The following DSC3 variants were observed in gnomAD, a reference collection of about 807,000 sequenced individuals.
The protein encoded by DSC3 is desmocollin-3.
A neutral mutation model predicts 89.5 loss-of-function variants in DSC3; 97 were observed. The observed-to-expected ratio is 1.08, with a 90% confidence interval of 0.92 to 1.28. DSC3 has a LOEUF of 1.28. Among genes scored for constraint, DSC3 ranks in the 50% most tolerant of loss-of-function variants. The pLI is 0.00. For synonymous variants in DSC3, 436 were observed against 384.1 expected (o/e 1.14, Z -1.58); for missense variants, 1,199 against 1,085.3 (o/e 1.10, Z -1.47).
At chr18:31,039,504 T>A (rs544475396) in intron 1 of DSC3, among the ~76,000 whole-genome samples, 2 of 152,324 alleles carry the variant, frequency 1.3e-5, no homozygotes, top group East Asian at 3.9e-4. Flanking sequence ...ATAAGTCTTC[T>A]GCAGAATGGA....
chr18:31,025,618 A>T, intron 5 of DSC3, 142 bp downstream of exon 5: 2 of 898,748 alleles, frequency 2.2e-6, no homozygotes, highest in Non-Finnish European at 1.8e-6. Context: ...GTATTCCAAA[A>T]TGTTGCACAT....
chr18:31,002,004 G>A (rs565876220), intron 13 of DSC3, among the ~76,000 whole-genome samples: 92 of 152,032 alleles, frequency 6.1e-4, no homozygotes, highest in Admixed American at 1.6e-3. Flanking sequence ...TATGAGTTAA[G>A]CAGTACATAA....
intron 15 of DSC3, 113 bp downstream of exon 15, chr18:30,996,678 C>A (rs1984476557): frequency 5.6e-6 from 7 of 1,260,618 alleles, no homozygotes; most frequent in East Asian, 2.4e-5. Context: ...ATGAACAGAG[C>A]AAGCAAGAGA....
In DSC3 at chr18:30,996,959, C is replaced by A. The variant is rs892239590; in HGVS notation, c.2325G>T (p.Gly775=). The part of the protein sequence containing the change: ...GTMGSGMKNG[G]QETIEMMKGG... ...CTTTCATCATTTCAATGGTTTCCTG[C>A]CCTCCATTTTTCATTCCTGATCCCA... The change falls in exon 15 of 16, where the codon GGG becomes GGT. Residue 775 remains glycine (G), a synonymous_variant. Coordinates refer to ENST00000360428, the MANE Select transcript of DSC3 (RefSeq NM_001941.5). 16 of 1,613,968 alleles carry A rather than the reference C, an allele frequency of 9.9e-6. No homozygotes were observed. The highest frequency in any genetic ancestry group is 1.7e-5 in the Admixed American group (1 of 59,978).
chr18:31,010,879 T>C (rs950030487), intron 9 of DSC3, among the ~76,000 whole-genome samples: 2 of 152,248 alleles, frequency 1.3e-5, no homozygotes, highest in Non-Finnish European at 2.9e-5. Flanking sequence ...AGAAAAGTTA[T>C]CTATTTTGGA....
At chr18:31,016,536 C>A (rs572234738) in intron 9 of DSC3, among the ~76,000 whole-genome samples, 3 of 152,278 alleles carry the variant, frequency 2.0e-5, no homozygotes, top group South Asian at 4.1e-4. Flanking sequence ...TATACGGTAG[C>A]CCTTTTCAGA....
chr18:31,035,700 C>A (rs929902753), intron 1 of DSC3, among the ~76,000 whole-genome samples: 5 of 151,660 alleles, frequency 3.3e-5, no homozygotes, highest in African/African-American at 1.2e-4. Flanking sequence ...TGCTCAGTGC[C>A]CATCTAGATC....
At chr18:31,040,911 A>G (rs1026480492) in intron 1 of DSC3, among the ~76,000 whole-genome samples, 1 of 152,194 alleles carries the variant, frequency 6.6e-6, no homozygotes, top group East Asian at 1.9e-4. Flanking sequence ...TTGTAAACTG[A>G]CAATTGCAGA....
At chr18:31,036,461 T>A (rs1985971258) in intron 1 of DSC3, among the ~76,000 whole-genome samples, 1 of 152,198 alleles carries the variant, frequency 6.6e-6, no homozygotes, top group Admixed American at 6.5e-5. Context: ...AATCTTCTGA[T>A]AAACAGAGTG....
intron 5 of DSC3, among the ~76,000 whole-genome samples, chr18:31,025,182 C>A (rs1048703556): frequency 2.6e-5 from 4 of 152,154 alleles, no homozygotes; most frequent in Non-Finnish European, 4.4e-5. Flanking sequence ...GGGAATGACA[C>A]ATGACCTCAC....
intron 9 of DSC3, among the ~76,000 whole-genome samples, chr18:31,014,042 C>T (rs1309698827): frequency 6.6e-6 from 1 of 151,910 alleles, no homozygotes; most frequent in Non-Finnish European, 1.5e-5. Context: ...GGATATTTTA[C>T]TGTAATGTCT....
intron 7 of DSC3, among the ~76,000 whole-genome samples, chr18:31,021,673 C>A (rs1368798868): frequency 1.3e-5 from 2 of 151,896 alleles, no homozygotes; most frequent in African/African-American, 2.4e-5. Context: ...TGATTGCTGA[C>A]AAAATAGAAC....
In DSC3 at chr18:31,018,722, A is replaced by C; in HGVS notation, c.1021T>G (p.Cys341Gly). ...TTTGAATCTGTTACTGTTATGATAC[A>C]AGTTGATGTGCCTATCAATCCAAAA... ...QFFGLIGTSTCIITVTDSNDN... is the reference protein window; with the variant it reads ...QFFGLIGTSTGIITVTDSNDN... Residue 341 changes from cysteine to glycine, a missense_variant, in exon 8 of 16, where the codon TGT becomes GGT. Coordinates refer to ENST00000360428, the MANE Select transcript of DSC3 (RefSeq NM_001941.5). 2 of 1,613,694 alleles carry C rather than the reference A, an allele frequency of 1.2e-6. No homozygotes were observed. The highest frequency in any genetic ancestry group is 1.7e-6 in the Non-Finnish European group (2 of 1,179,798).
rs276924 is a variant in DSC3 at position 31,042,558 on chromosome 18, C to T, written c.69+34G>A. ...GTCCAGGGCGGATCCACCCCCGTCC[C>T]CACCCCAGCCCTATCCGGCGAGATC... is the stretch of plus-strand genomic sequence containing the variant. On this transcript the variant is annotated intron_variant, in intron 1 of 15. Transcript: ENST00000360428. The T allele has an allele frequency of 0.34, 524,708 of 1,546,682 alleles. 91,061 individuals carry two copies. Among genetic ancestry groups the T allele is most frequent in the South Asian group, 0.52 (44,010 of 84,000 alleles).
intron 1 of DSC3, among the ~76,000 whole-genome samples, chr18:31,036,382 CT>C (rs1985969152): frequency 6.6e-6 from 1 of 152,016 alleles, no homozygotes; most frequent in Non-Finnish European, 1.5e-5. Flanking sequence ...AATCACTTAT[CT>C]ATTGTTTGTG....
At chr18:31,012,051 C>G (rs1161457444) in intron 9 of DSC3, among the ~76,000 whole-genome samples, 2 of 136,400 alleles carry the variant, frequency 1.5e-5, no homozygotes, top group Non-Finnish European at 3.1e-5. Flanking sequence ...GAATAAGATA[C>G]TTTCAAAGAC....
chr18:30,993,694 A>C lies in DSC3; in HGVS notation c.*481T>G, dbSNP rs1984352299. ...CAAAGTCAAATGAATTTGGTAGTGCAGTAGGGGTGAGTCCCAATTCTTTAT... is the reference window on the plus strand; with the variant it reads ...CAAAGTCAAATGAATTTGGTAGTGCCGTAGGGGTGAGTCCCAATTCTTTAT... On this transcript the variant is annotated 3_prime_UTR_variant, in exon 16 of 16. Coordinates refer to ENST00000360428, the MANE Select transcript of DSC3 (RefSeq NM_001941.5). 1 of 161,764 alleles carries C rather than the reference A, an allele frequency of 6.2e-6. No homozygotes were observed. The highest frequency in any genetic ancestry group is 1.4e-5 in the Non-Finnish European group (1 of 73,936). The allele number at this position is 161,764 out of a possible 1,614,324, so 10.0% of individuals were successfully genotyped here. A position where few individuals can be genotyped will look rare whatever the true frequency, so the allele number is the denominator to read the frequency against.
Position 30,992,042 on chromosome 18 carries a change from G to T in DSC3, c.*2133C>A, listed in dbSNP as rs1439168922. 6.6e-6 allele frequency: 1 copy of T among 151,850 alleles called. No individual in the cohort carries two copies. The highest frequency in any genetic ancestry group is 2.0e-4 in the East Asian group (1 of 5,128). The allele number at this position is 151,850 out of a possible 1,614,324, so 9.4% of individuals were successfully genotyped here. On this transcript the variant is annotated 3_prime_UTR_variant, in exon 16 of 16. Transcript: ENST00000360428. ...TAGCCGGGCGTGGTGGTGGGCGCCTGTAGTCCCAGCTACTCAGGAGGCTGA... is the reference window on the plus strand; with the variant it reads ...TAGCCGGGCGTGGTGGTGGGCGCCTTTAGTCCCAGCTACTCAGGAGGCTGA...
intron 9 of DSC3, among the ~76,000 whole-genome samples, chr18:31,017,480 C>T (rs188216019): frequency 9.2e-5 from 14 of 152,212 alleles, no homozygotes; most frequent in Admixed American, 9.2e-4. Flanking sequence ...ACCAAATATA[C>T]AACATACTGA....
Sources: allele counts gnomAD v4.1 joint callset (sites outside exome capture counted in the v4.1 genomes callset), GRCh38; gene constraint gnomAD v4.1.1; transcripts MANE v1.5; gene names NCBI Gene and HGNC (gene_info 2026-07-23, HGNC 2026-07-21).